The following MIPOL1 variants were observed in gnomAD, a reference collection of about 807,000 sequenced individuals.
The protein encoded by MIPOL1 is mirror-image polydactyly 1.
Under a neutral mutation model 60.9 loss-of-function variants are expected in MIPOL1, and 57 were observed. That is an observed-to-expected ratio of 0.94 (90% CI 0.76 to 1.17). The LOEUF (loss-of-function observed/expected upper bound fraction) is 1.17. Ranked by LOEUF, MIPOL1 falls within the 50% of genes most tolerant of loss-of-function variation. The pLI is 0.00. For missense variants in MIPOL1, 551 were observed against 511.6 expected (o/e 1.08, Z -0.74); for synonymous variants, 179 against 168.8 (o/e 1.06, Z -0.47).
chr14:37,432,489 A>AATGAATG (rs1302153821), intron 11 of MIPOL1, among the ~76,000 whole-genome samples: 1 of 152,222 alleles, frequency 6.6e-6, no homozygotes, highest in Non-Finnish European at 1.5e-5. Context: ...TGTGTAAATG[A>AATGAATG]ATGAATGATT....
intron 11 of MIPOL1, among the ~76,000 whole-genome samples, chr14:37,491,921 C>T (rs748557382): frequency 9.9e-5 from 15 of 152,204 alleles, no homozygotes; most frequent in Non-Finnish European, 2.1e-4. Context: ...ATTTCCCTCT[C>T]TCTGTATGTC....
At chr14:37,493,438 CG>C (rs1262954119) in intron 11 of MIPOL1, among the ~76,000 whole-genome samples, 1 of 152,098 alleles carries the variant, frequency 6.6e-6, no homozygotes, top group African/African-American at 2.4e-5. Context: ...GACCAGGGAA[CG>C]TAGAAACCAA....
chr14:37,463,185 G>A (rs1193516200), intron 11 of MIPOL1, among the ~76,000 whole-genome samples: 1 of 152,168 alleles, frequency 6.6e-6, no homozygotes, highest in Non-Finnish European at 1.5e-5. Context: ...ATGTCAGCAG[G>A]CTAAGAGAGA....
intron 10 of MIPOL1, among the ~76,000 whole-genome samples, chr14:37,415,893 T>C (rs371956352): frequency 2.6e-4 from 40 of 152,278 alleles, no homozygotes; most frequent in African/African-American, 9.6e-4. Flanking sequence ...CTGGCATGTC[T>C]TCCTATTTTG....
intron 10 of MIPOL1, among the ~76,000 whole-genome samples, chr14:37,389,040 A>T (rs1218799176): frequency 6.6e-6 from 1 of 152,114 alleles, no homozygotes; most frequent in Non-Finnish European, 1.5e-5. Flanking sequence ...GAATTGGACT[A>T]CTGGAGGTCA....
Position 37,334,888 on chromosome 14 carries a change from G to A in MIPOL1, c.828+26369G>A, listed in dbSNP as rs372009566. Among the ~76,000 whole-genome samples the A allele has an allele frequency of 2.5e-4, 38 of 152,016 alleles. No individual in the cohort carries two copies. The East Asian group carries it at 6.9e-3, about 28-fold the overall frequency. On this transcript the variant is annotated intron_variant, in intron 9 of 12. Coordinates refer to ENST00000684589, the MANE Select transcript of MIPOL1 (RefSeq NM_001388067.1). ...TTTTTAAATTGTCAAATTATTGTAT[G>A]GATATATGCCATATTTTGTTTATTC...
At chr14:37,488,498 G>T (rs1258075629) in intron 11 of MIPOL1, among the ~76,000 whole-genome samples, 1 of 152,056 alleles carries the variant, frequency 6.6e-6, no homozygotes, top group African/African-American at 2.4e-5. Flanking sequence ...ATAAATCTGG[G>T]TGCTCCTGTG....
At chr14:37,443,789 A>G (rs2153568450) in intron 11 of MIPOL1, among the ~76,000 whole-genome samples, 1 of 151,936 alleles carries the variant, frequency 6.6e-6, no homozygotes, top group Non-Finnish European at 1.5e-5. Context: ...CTAGCAAACC[A>G]AATCCAACAG....
chr14:37,302,486 A>G (rs1034836331), intron 7 of MIPOL1, among the ~76,000 whole-genome samples: 3 of 151,572 alleles, frequency 2.0e-5, no homozygotes, highest in East Asian at 1.9e-4. Flanking sequence ...AGTTGTTTAT[A>G]TTCTGGATAT....
intron 12 of MIPOL1, among the ~76,000 whole-genome samples, chr14:37,514,192 CT>C (rs2095351213): frequency 6.6e-6 from 1 of 152,080 alleles, no homozygotes; most frequent in South Asian, 2.1e-4. Flanking sequence ...ACGCTTTTCC[CT>C]TCTTTTGTTC....
chr14:37,526,268 A>G (rs550548099), intron 12 of MIPOL1, among the ~76,000 whole-genome samples: 1 of 151,122 alleles, frequency 6.6e-6, no homozygotes, highest in Non-Finnish European at 1.5e-5. Context: ...CAGAATGACT[A>G]TTATTCCTGA....
At position 37,471,397 on chromosome 14, in the gene MIPOL1, G is replaced by A. The variant is rs569375290; in HGVS notation, c.1032-28511G>A. Among the ~76,000 whole-genome samples the A allele has an allele frequency of 1.9e-4, 29 of 152,152 alleles. No individual in the cohort carries two copies. The South Asian group carries it at 3.1e-3, about 16-fold the overall frequency. On this transcript the variant is annotated intron_variant, in intron 11 of 12. Transcript: ENST00000684589. ...GTTCCTGGACTTTGTTATATTTCCC[G>A]GATTTGAGCCTCAGTATATCTCCAT...
intron 12 of MIPOL1, among the ~76,000 whole-genome samples, chr14:37,540,121 T>C (rs939966214): frequency 1.3e-5 from 2 of 152,216 alleles, no homozygotes; most frequent in Non-Finnish European, 2.9e-5. Flanking sequence ...TCTTCCTTTA[T>C]AAATTACCCA....
chr14:37,371,545 C>T (rs917009708), intron 10 of MIPOL1, among the ~76,000 whole-genome samples: 1 of 151,928 alleles, frequency 6.6e-6, no homozygotes. Context: ...CATTAATAAG[C>T]TAGCTTAAAT....
chr14:37,476,094 G>A (rs78020692), intron 11 of MIPOL1, among the ~76,000 whole-genome samples: 5,757 of 152,190 alleles, frequency 0.038, 144 homozygotes, highest in Non-Finnish European at 0.056. Context: ...AGTTGTATAG[G>A]TTTCCTCATA....
chr14:37,437,950 G>A (rs528214395), intron 11 of MIPOL1, among the ~76,000 whole-genome samples: 38 of 151,918 alleles, frequency 2.5e-4, no homozygotes, highest in Middle Eastern at 3.4e-3. Flanking sequence ...GGCATTAAAC[G>A]CAATATTTTG....
chr14:37,500,051 A>G lies in MIPOL1; in HGVS notation c.1175A>G (p.Gln392Arg). Reference protein sequence around the residue: ...QQNEELATQLQQALTERANME... With the variant: ...QQNEELATQLRQALTERANME... Reference sequence around the variant, plus strand: ...AATGAGGAACTGGCTACTCAACTGCAACAAGCTCTGACAGAGCGAGCAAAT... The same window carrying G: ...AATGAGGAACTGGCTACTCAACTGCGACAAGCTCTGACAGAGCGAGCAAAT... The change falls in exon 12 of 13, where the codon CAA becomes CGA. Residue 392 changes from glutamine (Q) to arginine (R), a missense_variant. Physicochemically the swap from Gln to Arg is conservative, Grantham distance 43. Transcript: ENST00000684589. 6.2e-7 allele frequency: 1 copy of G among 1,614,046 alleles called. No individual in the cohort carries two copies. The highest frequency in any genetic ancestry group is 1.1e-5 in the South Asian group (1 of 91,074).
chr14:37,485,682 G>A (rs886897219), intron 11 of MIPOL1, among the ~76,000 whole-genome samples: 2 of 151,974 alleles, frequency 1.3e-5, no homozygotes, highest in African/African-American at 4.8e-5. Flanking sequence ...GGGGTTGTTT[G>A]TTTTTTTCTT....
rs955283608 is a variant in MIPOL1, at chr14:37,504,644, A to G, written c.1262+4506A>G. ...AAATTTATAGCACTAAATGCCCACA[A>G]GAGAAAGCAAGAAAGATCTAAAATT... is the stretch of plus-strand genomic sequence containing the variant. On this transcript the variant is annotated intron_variant, in intron 12 of 12. Transcript: ENST00000684589. 6.6e-5 allele frequency: 10 copies of G among 152,366 alleles called. 1 individual carries two copies. The highest frequency in any genetic ancestry group is 2.2e-4 in the African/African-American group (9 of 41,588). The allele number at this position is 152,366 out of a possible 1,614,324, so 9.4% of individuals were successfully genotyped here. A position where few individuals can be genotyped will look rare whatever the true frequency, so the allele number is the denominator to read the frequency against.
Sources: gnomAD v4.1 joint callset for allele counts (sites outside exome capture counted in the v4.1 genomes callset) on GRCh38, gnomAD v4.1.1 for gene constraint, MANE v1.5 for transcripts, NCBI Gene and HGNC (gene_info 2026-07-23, HGNC 2026-07-21) for gene names.